Variants in LRRIQ1 observed in about 807,000 individuals in gnomAD.
The protein encoded by LRRIQ1 is leucine-rich repeat- and IQ domain-containing protein 1.
A neutral mutation model predicts 211.9 loss-of-function variants in LRRIQ1; 210 were observed. The ratio of observed to expected loss-of-function variants is 0.99; its 90% CI spans 0.89 to 1.11. The LOEUF is 1.11. Among genes scored for constraint, LRRIQ1 ranks in the 50% most tolerant of loss-of-function variants. LRRIQ1 has a pLI of 0.00. For missense variants in LRRIQ1, 2,136 were observed against 1,939.5 expected, an observed-to-expected ratio of 1.10 and a Z score of -1.90; for synonymous variants, 699 against 650.1, an observed-to-expected ratio of 1.08 and a Z score of -1.14.
intron 9 of LRRIQ1, 73 bp from the exon 10 acceptor site, chr12:85,066,675 C>T: frequency 2.5e-6 from 3 of 1,224,228 alleles, no homozygotes; most frequent in Non-Finnish European, 3.3e-6. Flanking sequence ...TTTCTTTCCT[C>T]TTTTTGAAAG....
intron 1 of LRRIQ1, among the ~76,000 whole-genome samples, chr12:85,036,785 ATAAAG>A (rs1878157306): frequency 6.7e-6 from 1 of 150,312 alleles, no homozygotes; most frequent in African/African-American, 2.4e-5. Context: ...TATGAACCTT[ATAAAG>A]TAGATTTCTC....
intron 26 of LRRIQ1, among the ~76,000 whole-genome samples, chr12:85,237,594 C>T (rs977003410): frequency 1.3e-5 from 2 of 151,954 alleles, no homozygotes; most frequent in Non-Finnish European, 2.9e-5. Flanking sequence ...CAATCAAAAC[C>T]GGGAAACATT....
chr12:85,055,848 A>G lies in LRRIQ1; in HGVS notation c.1055A>G (p.Gln352Arg). ...AGGATAAAAGAAGAGAGAAAAAAGC[A>G]AAAGGAAGAGGAAAGGAAAAGGAGA... ...EQRIKEERKK[Q>R]KEEERKRREK... The change falls in exon 8 of 27, where the codon CAA becomes CGA. Residue 352 changes from glutamine (Q) to arginine (R), a missense_variant. Transcript: ENST00000393217. The G allele has an allele frequency of 1.9e-6, 3 of 1,589,570 alleles. No homozygotes were observed. The highest frequency in any genetic ancestry group is 3.6e-5 in the Admixed American group (2 of 55,662).
chr12:85,210,266 TGAA>T (rs1213629048), intron 24 of LRRIQ1, among the ~76,000 whole-genome samples: 5 of 152,186 alleles, frequency 3.3e-5, no homozygotes, highest in African/African-American at 1.2e-4. Context: ...AAGTACATTC[TGAA>T]GAATAGCTTT....
In LRRIQ1 at chr12:85,056,756, A is replaced by G; in HGVS notation, c.1963A>G (p.Ile655Val). 6.2e-7 allele frequency: 1 copy of G among 1,605,236 alleles called. No individual in the cohort carries two copies. Among genetic ancestry groups the G allele is most frequent in the South Asian group, 1.1e-5 (1 of 88,656 alleles). Residue 655 changes from isoleucine (I) to valine (V), a missense_variant, in exon 8 of 27, where the codon ATT becomes GTT. By Grantham distance (29) the Ile-to-Val change is conservative (BLOSUM62 3). Transcript: ENST00000393217. ...AAAAGACAATGCTTGGAATAGTGGC[A>G]TTGTGATTTTTAACACAACTGATAC... is the stretch of plus-strand genomic sequence containing the variant. ...NPKDNAWNSG[I>V]VIFNTTDTMI...
chr12:85,068,283 C>T (rs1463512642), intron 10 of LRRIQ1, among the ~76,000 whole-genome samples: 1 of 151,770 alleles, frequency 6.6e-6, no homozygotes, highest in Non-Finnish European at 1.5e-5. Context: ...ACTGAAATAT[C>T]AGAGTAGAAA....
At chr12:85,090,926 G>A (rs1885327938) in intron 11 of LRRIQ1, among the ~76,000 whole-genome samples, 1 of 152,112 alleles carries the variant, frequency 6.6e-6, no homozygotes, top group South Asian at 2.1e-4. Context: ...GTCTCATGTT[G>A]AATTTTAATC....
chr12:85,047,298 A>C lies in LRRIQ1; in HGVS notation c.506A>C (p.Gln169Pro). 1 of 1,609,192 alleles carries C rather than the reference A, an allele frequency of 6.2e-7. No individual in the cohort carries two copies. Among genetic ancestry groups the C allele is most frequent in the Non-Finnish European group, 8.5e-7 (1 of 1,178,740 alleles). ...TGTGAAGTGGAAGAAAAATGTAGAC[A>C]GTCTTTTGAGGCTTGGCAAGAGAAA... ...GYCEVEEKCR[Q>P]SFEAWQEKQK... Residue 169 changes from glutamine (Q) to proline (P), a missense_variant, in exon 6 of 27, where the codon CAG becomes CCG. Gln to Pro is a moderately conservative substitution (Grantham distance 76, BLOSUM62 -1). Transcript: ENST00000393217.
Position 85,098,921 on chromosome 12 carries a change from A to G in LRRIQ1, c.3136A>G (p.Ser1046Gly), listed in dbSNP as rs763373366. The G allele has an allele frequency of 6.4e-7, 1 of 1,574,248 alleles. No homozygotes were observed. The highest frequency in any genetic ancestry group is 1.2e-5 in the South Asian group (1 of 85,622). Residue 1046 changes from serine (S) to glycine (G), a missense_variant, in exon 13 of 27, where the codon AGC becomes GGC. Physicochemically the swap from Ser to Gly is moderately conservative, Grantham distance 56 (BLOSUM62 0). Transcript: ENST00000393217. Reference sequence around the variant, plus strand: ...AAGAGAATTGCACTTGGATGATAACAGCATTTCAACTGTGGAAGCATTTTC... The same window carrying G: ...AAGAGAATTGCACTTGGATGATAACGGCATTTCAACTGTGGAAGCATTTTC... ...LLRELHLDDN[S>G]ISTVEAFSSY...
chr12:85,215,457 A>G (rs1188003376), intron 24 of LRRIQ1, among the ~76,000 whole-genome samples: 3 of 152,070 alleles, frequency 2.0e-5, no homozygotes, highest in Non-Finnish European at 4.4e-5. Flanking sequence ...CCAGGTATTA[A>G]GCCTAGTACC....
At chr12:85,138,711 T>TA (rs915037212) in intron 19 of LRRIQ1, among the ~76,000 whole-genome samples, 2 of 151,552 alleles carry the variant, frequency 1.3e-5, no homozygotes, top group African/African-American at 4.8e-5. Flanking sequence ...CAGAAATTTT[T>TA]AAATGCTGTA....
Position 85,133,698 on chromosome 12 carries a change from A to G in LRRIQ1, c.4210-4152A>G, listed in dbSNP as rs1195459614. On this transcript the variant is annotated intron_variant, in intron 18 of 26. Coordinates refer to ENST00000393217, the MANE Select transcript of LRRIQ1 (RefSeq NM_001079910.2). ...GTTGGATGGGTAAAGGAGTAGAGTT[A>G]TGAGGAACTAGCCTCTTTGACAGTG... is the stretch of plus-strand genomic sequence containing the variant. 2.0e-5 allele frequency among the ~76,000 whole-genome samples: 3 copies of G among 152,120 alleles called. No individual in the cohort carries two copies. In the South Asian group the frequency reaches 6.2e-4, roughly 31 times the overall value.
At position 85,056,168 on chromosome 12, in the gene LRRIQ1, G is replaced by A; in HGVS notation, c.1375G>A (p.Glu459Lys). Residue 459 changes from glutamate to lysine, a missense_variant, in exon 8 of 27, where the codon GAA becomes AAA. Coordinates refer to ENST00000393217, the MANE Select transcript of LRRIQ1 (RefSeq NM_001079910.2). ...TGTAGATAGACAGACTATATTAAAA[G>A]AATCAATACAAGTAAAGTTAAAAGA... ...ENVDRQTILK[E>K]SIQVKLKESI... 1 of 1,588,748 alleles carries A rather than the reference G, an allele frequency of 6.3e-7. No homozygotes were observed. Among genetic ancestry groups the A allele is most frequent in the East Asian group, 2.3e-5 (1 of 44,356 alleles).
downstream of LRRIQ1, chr12:85,264,475 A>T (rs1896381849): frequency 6.6e-6 from 1 of 152,044 alleles, no homozygotes; most frequent in Non-Finnish European, 1.5e-5. Context: ...TGAAACTGGA[A>T]GTTTTTTTAT....
intron 24 of LRRIQ1, among the ~76,000 whole-genome samples, chr12:85,193,027 TA>T (rs1409383931): frequency 1.8e-4 from 18 of 100,236 alleles, no homozygotes; most frequent in Non-Finnish European, 2.7e-4. Flanking sequence ...ATAATATATT[TA>T]TTATATTATA....
At chr12:85,227,004 T>C (rs1392753818) in intron 24 of LRRIQ1, among the ~76,000 whole-genome samples, 2 of 152,012 alleles carry the variant, frequency 1.3e-5, no homozygotes, top group African/African-American at 4.8e-5. Flanking sequence ...TGCATGTGTC[T>C]TTATAGCAGC....
intron 1 of LRRIQ1, among the ~76,000 whole-genome samples, chr12:85,250,303 G>T (rs559465024): frequency 2.0e-5 from 3 of 151,772 alleles, no homozygotes; most frequent in African/African-American, 7.2e-5. Context: ...GCAAAACCCT[G>T]GCATTTATAA....
At chr12:85,131,264 C>T (rs1290886496) in intron 18 of LRRIQ1, among the ~76,000 whole-genome samples, 1 of 151,572 alleles carries the variant, frequency 6.6e-6, no homozygotes, top group Admixed American at 6.6e-5. Flanking sequence ...ACTTTCAGAT[C>T]TACCCCATAA....
chr12:85,247,830 C>T (rs1459752168), downstream of LRRIQ1, among the ~76,000 whole-genome samples: 10 of 104,120 alleles, frequency 9.6e-5, no homozygotes, highest in Admixed American at 1.1e-3. Flanking sequence ...TTTGAACATA[C>T]TGGCCATCTC....
Sources: allele counts gnomAD v4.1 joint callset (sites outside exome capture counted in the v4.1 genomes callset), GRCh38; gene constraint gnomAD v4.1.1; transcripts MANE v1.5; gene names NCBI Gene and HGNC (gene_info 2026-07-23, HGNC 2026-07-21).